The following ABTB2 variants were observed in gnomAD, a reference collection of about 807,000 sequenced individuals.
ABTB2 encodes ankyrin repeat and BTB/POZ domain-containing protein 2.
A neutral mutation model predicts 104.1 loss-of-function variants in ABTB2; 56 were observed. The observed-to-expected ratio is 0.54, with a 90% CI of 0.43 to 0.67. The LOEUF is 0.67. Among genes scored for constraint, ABTB2 ranks in the 30% least tolerant of loss-of-function variants. The probability of loss-of-function intolerance (pLI) is 0.00; values close to 1 mark genes in which losing one functional copy is unlikely to be tolerated. For synonymous variants in ABTB2, 606 were observed against 608.2 expected (o/e 1.00, Z 0.05); for missense variants, 1,279 against 1,407.7 (o/e 0.91, Z 1.46).
At chr11:34,335,503 C>T in intron 1 of ABTB2, 1 of 970,924 alleles carries the variant, frequency 1.0e-6, no homozygotes, top group Non-Finnish European at 1.6e-6. Flanking sequence ...CTATTAGCTA[C>T]TTCTGGAAAC....
At position 34,204,608 on chromosome 11, in the gene ABTB2, C is replaced by G. The variant is rs1565140324; in HGVS notation, c.966G>C (p.Gln322His). The G allele has an allele frequency of 2.5e-6, 4 of 1,613,830 alleles. No homozygotes were observed. The highest frequency in any genetic ancestry group is 3.4e-6 in the Non-Finnish European group (4 of 1,180,016). The change falls in exon 2 of 17, where the codon CAG becomes CAC. Residue 322 changes from glutamine (Q) to histidine (H), a missense_variant. Physicochemically the swap from Gln to His is conservative, Grantham distance 24 (BLOSUM62 0). Coordinates refer to ENST00000435224, the MANE Select transcript of ABTB2 (RefSeq NM_145804.3). ...ACTGCTCCAGGGTTCGGAGCTCCAG[C>G]TGGGCATAGGCATCGGCTCGCTCGT... ...GHDERADAYA[Q>H]LELRTLEQSL...
rs76482396 is a variant in ABTB2 at position 34,326,250 on chromosome 11, T to A, written c.883+30451A>T. Among the ~76,000 whole-genome samples, 10 of 152,252 alleles carry A rather than the reference T, an allele frequency of 6.6e-5. No individual in the cohort carries two copies. In the East Asian group the frequency reaches 1.9e-3, roughly 29 times the overall value. ...ACAATGGAAAATTAAGTATGTAGTTTTTAATCCTTAGACCACCCACCAAAA... is the reference window on the plus strand; with the variant it reads ...ACAATGGAAAATTAAGTATGTAGTTATTAATCCTTAGACCACCCACCAAAA... On this transcript the variant is annotated intron_variant, in intron 1 of 16. Transcript: ENST00000435224.
chr11:34,312,131 A>G (rs920024036), intron 1 of ABTB2, among the ~76,000 whole-genome samples: 1 of 141,914 alleles, frequency 7.0e-6, no homozygotes, highest in African/African-American at 2.7e-5. Context: ...ACAGAGCAAG[A>G]CTCCATCTCA....
At chr11:34,334,685 G>A (rs1275035003) in intron 1 of ABTB2, among the ~76,000 whole-genome samples, 6 of 151,262 alleles carry the variant, frequency 4.0e-5, no homozygotes, top group African/African-American at 7.3e-5. Context: ...ACCATCAACC[G>A]TGTTTCCCAT....
intron 16 of ABTB2, among the ~76,000 whole-genome samples, 166 bp from the exon 17 acceptor site, chr11:34,152,750 G>A (rs1350460518): frequency 6.6e-6 from 1 of 152,108 alleles, no homozygotes; most frequent in Non-Finnish European, 1.5e-5. Flanking sequence ...TGCTATATCT[G>A]AACTGTTCAG....
intron 1 of ABTB2, among the ~76,000 whole-genome samples, chr11:34,214,969 T>C (rs1853532517): frequency 6.6e-6 from 1 of 152,232 alleles, no homozygotes. Flanking sequence ...AACCAGTAGA[T>C]GAGACATTGT....
At chr11:34,215,358 C>T (rs112491296) in intron 1 of ABTB2, among the ~76,000 whole-genome samples, 96 of 152,182 alleles carry the variant, frequency 6.3e-4, no homozygotes, top group African/African-American at 2.1e-3. Context: ...AAACACAAGT[C>T]TCTCCTTGAG....
At chr11:34,211,837 C>T (rs1461651119) in intron 1 of ABTB2, among the ~76,000 whole-genome samples, 6 of 144,644 alleles carry the variant, frequency 4.1e-5, no homozygotes, top group Admixed American at 2.1e-4. Context: ...TGCAGTGAGC[C>T]GAGATTGCAC....
intron 1 of ABTB2, among the ~76,000 whole-genome samples, chr11:34,306,265 T>TTTGCAGCTCTTCAGCCTAGGC (rs1854769891): frequency 7.2e-6 from 1 of 138,072 alleles, no homozygotes; most frequent in Non-Finnish European, 1.6e-5. Flanking sequence ...TTTTTTTTTT[T>TTTGCAGCTCTTCAGCCTAGGC]GAGACGGAGT....
chr11:34,310,777 T>C (rs1483911754), intron 1 of ABTB2, among the ~76,000 whole-genome samples: 1 of 152,172 alleles, frequency 6.6e-6, no homozygotes, highest in East Asian at 1.9e-4. Context: ...ATGGAGGTTA[T>C]GCTCTTTAAT....
chr11:34,261,092 C>T (rs1854182836), intron 1 of ABTB2, among the ~76,000 whole-genome samples: 1 of 152,078 alleles, frequency 6.6e-6, no homozygotes, highest in Admixed American at 6.6e-5. Flanking sequence ...CACTGCACTC[C>T]AGCCTAGGCA....
intron 1 of ABTB2, among the ~76,000 whole-genome samples, chr11:34,349,645 G>A (rs1855375021): frequency 6.6e-6 from 1 of 152,192 alleles, no homozygotes; most frequent in Non-Finnish European, 1.5e-5. Context: ...ACCATCCTAT[G>A]AGTTGGGTAC....
chr11:34,161,168 T>A, intron 10 of ABTB2, 87 bp from the exon 11 acceptor site: 1 of 1,350,444 alleles, frequency 7.4e-7, no homozygotes, highest in South Asian at 1.5e-5. Flanking sequence ...GCAGACTCTC[T>A]CGGGATGCCC....
chr11:34,289,530 T>C (rs977590161), intron 1 of ABTB2, among the ~76,000 whole-genome samples: 1 of 152,220 alleles, frequency 6.6e-6, no homozygotes, highest in South Asian at 2.1e-4. Context: ...CCTAAAGCTA[T>C]ACTACTTGTA....
In ABTB2 at chr11:34,162,898, CT is replaced by C. The variant is rs904449649; in HGVS notation, c.1989-94del. Reference sequence around the variant, plus strand: ...CCCAGTGCCCTCCTGCCCCGACGGGCTGCTCTGGGGTACCCGAGGGCTCGGA... The same window carrying C: ...CCCAGTGCCCTCCTGCCCCGACGGGCGCTCTGGGGTACCCGAGGGCTCGGA... On this transcript the variant is annotated intron_variant, in intron 9 of 16. Transcript: ENST00000435224. The C allele has an allele frequency of 3.8e-5, 49 of 1,280,408 alleles. No individual in the cohort carries two copies. In the African/African-American group the frequency reaches 6.5e-4, roughly 17 times the overall value. 79.3% of individuals were successfully genotyped at this position (1,280,408 alleles called of 1,614,324 possible). A position where few individuals can be genotyped will look rare whatever the true frequency, so the allele number is the denominator to read the frequency against.
chr11:34,304,144 T>G (rs1047879933), intron 1 of ABTB2, among the ~76,000 whole-genome samples: 3 of 152,212 alleles, frequency 2.0e-5, no homozygotes, highest in African/African-American at 7.2e-5. Flanking sequence ...CCATGCTGTA[T>G]ATGCTATCTG....
rs754706782 is a variant in ABTB2, at chr11:34,165,370, AGAG to A, written c.1756-17_1756-15del. ...ATCCAGCAGCAACTGCCAGGGGCAC[AGAG>A]GAGGAGGGCACTGCTCAGCGTGGCA... is the stretch of plus-strand genomic sequence containing the variant. On this transcript the variant is annotated splice_polypyrimidine_tract_variant and intron_variant, in intron 7 of 16. Transcript: ENST00000435224. The A allele has an allele frequency of 6.1e-5, 96 of 1,578,712 alleles. No individual in the cohort carries two copies. The East Asian group carries it at 1.6e-3, about 26-fold the overall frequency.
chr11:34,207,730 C>T (rs570088085), intron 1 of ABTB2, among the ~76,000 whole-genome samples: 21 of 152,298 alleles, frequency 1.4e-4, no homozygotes, highest in African/African-American at 4.3e-4. Context: ...GGGTCAGAAA[C>T]GGAACAGGGA....
intron 1 of ABTB2, among the ~76,000 whole-genome samples, chr11:34,231,555 G>A (rs1490002653): frequency 6.6e-6 from 1 of 152,204 alleles, no homozygotes; most frequent in Admixed American, 6.5e-5. Flanking sequence ...CATGTTGATA[G>A]TGTGTATTCT....
Sources: allele counts gnomAD v4.1 joint callset (sites outside exome capture counted in the v4.1 genomes callset), GRCh38; gene constraint gnomAD v4.1.1; transcripts MANE v1.5; gene names NCBI Gene and HGNC (gene_info 2026-07-23, HGNC 2026-07-21).